The following CERS3 variants were observed in gnomAD, a reference collection of about 807,000 sequenced individuals.
CERS3 encodes ceramide synthase 3, also known as LAG1 homolog, ceramide synthase 3.
Under a neutral mutation model 50.3 loss-of-function variants are expected in CERS3, and 33 were observed. That is an observed-to-expected ratio of 0.66 (90% CI 0.50 to 0.88). The LOEUF (loss-of-function observed/expected upper bound fraction) is 0.88. Among genes scored for constraint, CERS3 ranks in the 40% least tolerant of loss-of-function variants. The pLI, the probability that CERS3 is intolerant of heterozygous loss-of-function variation, is 0.00. For synonymous variants in CERS3, 176 were observed against 155.2 expected, an observed-to-expected ratio of 1.13 and a Z score of -0.99; for missense variants, 470 against 460.3, an observed-to-expected ratio of 1.02 and a Z score of -0.19.
intron 2 of CERS3, among the ~76,000 whole-genome samples, chr15:100,512,630 C>G (rs2036379146): frequency 6.6e-6 from 1 of 152,142 alleles, no homozygotes; most frequent in South Asian, 2.1e-4. Context: ...ACCTGCTAGT[C>G]CTATATTCGT....
At chr15:100,408,363 T>C (rs1194627431) in intron 11 of CERS3, among the ~76,000 whole-genome samples, 1 of 152,158 alleles carries the variant, frequency 6.6e-6, no homozygotes, top group Non-Finnish European at 1.5e-5. Context: ...GCTGTATCAG[T>C]CTGCACTTGT....
At chr15:100,462,932 G>C (rs1043499440) in intron 10 of CERS3, among the ~76,000 whole-genome samples, 1 of 152,188 alleles carries the variant, frequency 6.6e-6, no homozygotes, top group Admixed American at 6.5e-5. Flanking sequence ...TAACTGTATT[G>C]TGATTATGTA....
intron 2 of CERS3, among the ~76,000 whole-genome samples, chr15:100,517,154 T>C (rs1382720140): frequency 6.6e-6 from 1 of 152,190 alleles, no homozygotes; most frequent in Non-Finnish European, 1.5e-5. Context: ...TCTGTAAAAA[T>C]AGACACAACA....
chr15:100,423,882 G>A (rs1201306469), intron 11 of CERS3, among the ~76,000 whole-genome samples: 2 of 151,918 alleles, frequency 1.3e-5, no homozygotes, highest in East Asian at 3.9e-4. Flanking sequence ...ACAGCCTGCA[G>A]AACCATGAGT....
At chr15:100,405,946 T>C (rs190731567) in intron 11 of CERS3, among the ~76,000 whole-genome samples, 66 of 152,384 alleles carry the variant, frequency 4.3e-4, no homozygotes, top group African/African-American at 1.5e-3. Flanking sequence ...AGGATATTTT[T>C]ATTACTTGTA....
At chr15:100,417,678 C>G (rs2032052457) in intron 11 of CERS3, among the ~76,000 whole-genome samples, 1 of 151,968 alleles carries the variant, frequency 6.6e-6, no homozygotes, top group South Asian at 2.1e-4. Flanking sequence ...CTTAAATGTC[C>G]CTGTCTGACA....
At chr15:100,442,906 T>C (rs1268580850) in intron 11 of CERS3, among the ~76,000 whole-genome samples, 77 of 151,442 alleles carry the variant, frequency 5.1e-4, no homozygotes, top group African/African-American at 1.7e-3. Flanking sequence ...TACAAAGGCC[T>C]GTTTCCCTTG....
At chr15:100,407,721 C>T (rs546319450) in intron 11 of CERS3, among the ~76,000 whole-genome samples, 1 of 152,038 alleles carries the variant, frequency 6.6e-6, no homozygotes, top group Non-Finnish European at 1.5e-5. Flanking sequence ...TCTTGTCATT[C>T]CCTAAAAAAT....
intron 11 of CERS3, among the ~76,000 whole-genome samples, chr15:100,424,224 A>T (rs1329378216): frequency 6.6e-6 from 1 of 152,156 alleles, no homozygotes; most frequent in Non-Finnish European, 1.5e-5. Flanking sequence ...TACAGGTGTG[A>T]GCCACCATGC....
At chr15:100,448,120 T>A (rs1233789746) in intron 11 of CERS3, among the ~76,000 whole-genome samples, 1 of 152,204 alleles carries the variant, frequency 6.6e-6, no homozygotes, top group African/African-American at 2.4e-5. Context: ...TGAAGTATTA[T>A]TCAATTATCA....
chr15:100,430,444 T>G (rs933050326), intron 11 of CERS3, among the ~76,000 whole-genome samples: 1 of 152,220 alleles, frequency 6.6e-6, no homozygotes, highest in African/African-American at 2.4e-5. Context: ...GCCCACAGCA[T>G]TTCCTTACAC....
intron 1 of CERS3, among the ~76,000 whole-genome samples, chr15:100,528,180 T>C (rs1567685487): frequency 6.6e-6 from 1 of 152,216 alleles, no homozygotes; most frequent in Non-Finnish European, 1.5e-5. Flanking sequence ...TTTGATTTTG[T>C]TTCACTTTTC....
chr15:100,424,040 T>A (rs2032650044), intron 11 of CERS3, among the ~76,000 whole-genome samples: 1 of 151,942 alleles, frequency 6.6e-6, no homozygotes, highest in African/African-American at 2.4e-5. Flanking sequence ...CTCCCGAGTT[T>A]AAGTGATCCT....
rs145899470 is a variant in CERS3 at position 100,467,850 on chromosome 15, T to TATATATATATATAG, written c.845+1527_845+1528insCTATATATATATAT. ...ATATATATACGTGTATATATATATA[T>TATATATATATATAG]ATAGATAGATAGATAGATAGATAGA... is the stretch of plus-strand genomic sequence containing the variant. On this transcript the variant is annotated intron_variant, in intron 10 of 11. Transcript: ENST00000679737. Among the ~76,000 whole-genome samples, 241 of 93,130 alleles carry TATATATATATATAG rather than the reference T, an allele frequency of 2.6e-3. 2 individuals are homozygous for TATATATATATATAG. Among genetic ancestry groups the TATATATATATATAG allele is most frequent in the African/African-American group, 8.3e-3 (223 of 26,806 alleles). 61.1% of individuals were successfully genotyped at this position (93,130 alleles called of 152,430 possible). A position where few individuals can be genotyped will look rare whatever the true frequency, so the allele number is the denominator to read the frequency against.
intron 4 of CERS3, among the ~76,000 whole-genome samples, chr15:100,490,158 A>G (rs1481157723): frequency 6.6e-6 from 1 of 152,206 alleles, no homozygotes; most frequent in Non-Finnish European, 1.5e-5. Flanking sequence ...TGGAGTGAAC[A>G]CTAGACTTAC....
rs1170051830 is a variant in CERS3, at chr15:100,494,210, CATATATATATATAT to C, written c.174-3293_174-3280del. 8.0e-3 allele frequency among the ~76,000 whole-genome samples: 625 copies of C among 78,104 alleles called. 22 individuals carry two copies. The highest frequency in any genetic ancestry group is 0.033 in the African/African-American group (596 of 17,884). 51.2% of individuals were successfully genotyped at this position (78,104 alleles called of 152,430 possible). ...TTTGCTTAGTCACCTTTTTTCTTTT[CATATATATATATAT>C]ATATATATATATATATATATATATA... On this transcript the variant is annotated intron_variant, in intron 3 of 11. Transcript: ENST00000679737.
chr15:100,402,770 T>C lies in CERS3; in HGVS notation c.1095A>G (p.Leu365=), dbSNP rs754927877. The C allele has an allele frequency of 1.2e-6, 2 of 1,614,210 alleles. No homozygotes were observed. Among genetic ancestry groups the C allele is most frequent in the South Asian group, 1.1e-5 (1 of 91,078 alleles). ...GCCTCTCAGCCCTGAGGCCGTTCTT[T>C]AAACAATCCATCTCTTTGCCTTTGG... is the stretch of plus-strand genomic sequence containing the variant. The part of the protein sequence containing the change: ...EATKGKEMDC[L]KNGLRAERHL... The change falls in exon 12 of 12, where the codon TTA becomes TTG. Residue 365 remains leucine (L), a synonymous_variant. Transcript: ENST00000679737.
chr15:100,519,880 C>G (rs1346664097), intron 2 of CERS3, among the ~76,000 whole-genome samples: 1 of 152,354 alleles, frequency 6.6e-6, no homozygotes, highest in South Asian at 2.1e-4. Context: ...TACCAGGACC[C>G]TGTGCTTGAT....
intron 2 of CERS3, among the ~76,000 whole-genome samples, chr15:100,507,626 C>T (rs895947827): frequency 6.6e-6 from 1 of 152,240 alleles, no homozygotes; most frequent in African/African-American, 2.4e-5. Flanking sequence ...AGCTCAGCAT[C>T]CAGCCCACAT....
Sources: gnomAD v4.1 joint callset for allele counts (sites outside exome capture counted in the v4.1 genomes callset) on GRCh38, gnomAD v4.1.1 for gene constraint, MANE v1.5 for transcripts, NCBI Gene and HGNC (gene_info 2026-07-23, HGNC 2026-07-21) for gene names.